Variants in TPR observed in about 807,000 individuals in gnomAD.
TPR encodes the protein nucleoprotein TPR.
TPR carries 51 observed loss-of-function variants against 316.1 expected under a neutral mutation model. The observed-to-expected ratio is 0.16, with a 90% CI of 0.13 to 0.20. The LOEUF is 0.20. Ranked by LOEUF, TPR falls within the 10% of genes least tolerant of loss-of-function variation. TPR has a pLI of 1.00. For missense variants in TPR, 2,272 were observed against 2,754.8 expected (o/e 0.82, Z 3.92); for synonymous variants, 981 against 914.7 (o/e 1.07, Z -1.31).
At chr1:186,332,724 T>G (rs752063161) in intron 37 of TPR, among the ~76,000 whole-genome samples, 16 of 152,170 alleles carry the variant, frequency 1.1e-4, no homozygotes, top group Admixed American at 1.0e-3. Context: ...GTACACTGTA[T>G]GTAAATCAGT....
intron 43 of TPR, 109 bp from the exon 44 acceptor site, chr1:186,322,695 A>G: frequency 9.0e-7 from 1 of 1,106,888 alleles, no homozygotes; most frequent in Non-Finnish European, 1.3e-6. Flanking sequence ...AATAGTTAGC[A>G]GACAGGTAAT....
intron 39 of TPR, among the ~76,000 whole-genome samples, chr1:186,328,512 G>A (rs1221685771): frequency 6.6e-6 from 1 of 151,906 alleles, no homozygotes; most frequent in Admixed American, 6.6e-5. Context: ...AATGGCCAGG[G>A]CGGTTAGTGC....
chr1:186,339,604 T>C, intron 30 of TPR, 38 bp downstream of exon 30: 3 of 1,430,892 alleles, frequency 2.1e-6, no homozygotes, highest in South Asian at 1.6e-5. Context: ...ATAAACTTCT[T>C]TTATATTATA....
rs924908067 is a variant in TPR at position 186,326,212 on chromosome 1, A to T, written c.5913T>A (p.Asp1971Glu). The T allele has an allele frequency of 6.2e-7, 1 of 1,607,592 alleles. No individual in the cohort carries two copies. ...CTGTGTCATCTTCATCATCATCATC[A>T]TCTTCCTCATCCTCTTCATAATCCT... Reference protein sequence around the residue: ...EHEDYEEDEEDDDDDEDDTGM... With the variant: ...EHEDYEEDEEEDDDDEDDTGM... Residue 1971 changes from aspartate (D) to glutamate (E), a missense_variant, in exon 41 of 51, where the codon GAT becomes GAA. Physicochemically the swap from Asp to Glu is conservative, Grantham distance 45 (BLOSUM62 2). Around this residue, in one of 10 missense-constraint regions of TPR, gnomAD observed 435 missense variants for 461.1 expected, o/e 0.94. Transcript: ENST00000367478.
intron 37 of TPR, 53 bp from the exon 38 acceptor site, chr1:186,332,396 T>C (rs1371333345): frequency 3.7e-5 from 59 of 1,586,628 alleles, no homozygotes; most frequent in Non-Finnish European, 4.6e-5. Context: ...TCAATTTAGA[T>C]AAAGATAGTT....
At chr1:186,360,236 AG>A in intron 11 of TPR, 36 bp downstream of exon 11, 4 of 1,589,924 alleles carry the variant, frequency 2.5e-6, no homozygotes, top group Admixed American at 3.6e-5. Flanking sequence ...CATTTGCTGA[AG>A]AAAAAGAATT....
At chr1:186,353,874 C>A in intron 17 of TPR, 24 bp from the exon 18 acceptor site, 1 of 1,604,260 alleles carries the variant, frequency 6.2e-7, no homozygotes. Flanking sequence ...AGTAATTCTA[C>A]AAGTAACTGA....
chr1:186,322,458 G>A (rs1657800149), intron 44 of TPR, 46 bp from the exon 45 acceptor site: 2 of 1,611,342 alleles, frequency 1.2e-6, no homozygotes, highest in Non-Finnish European at 1.7e-6. Flanking sequence ...CCACACATAT[G>A]GACTATATAA....
intron 19 of TPR, 148 bp from the exon 20 acceptor site, chr1:186,351,618 G>T: frequency 1.2e-6 from 1 of 844,016 alleles, no homozygotes; most frequent in Non-Finnish European, 1.7e-6. Flanking sequence ...AAGTATTCTG[G>T]TATTTTTTAT....
chr1:186,317,724 G>C, intron 48 of TPR, 124 bp from the exon 49 acceptor site: 1 of 789,830 alleles, frequency 1.3e-6, no homozygotes, highest in Non-Finnish European at 2.0e-6. Context: ...AAAAATTATA[G>C]ACTGATTTGG....
At chr1:186,315,346 A>G (rs1657578332) in intron 49 of TPR, among the ~76,000 whole-genome samples, 1 of 152,162 alleles carries the variant, frequency 6.6e-6, no homozygotes, top group Non-Finnish European at 1.5e-5. Flanking sequence ...CCAGGTGCTG[A>G]GAAATACAAC....
chr1:186,327,032 TA>T lies in TPR; in HGVS notation c.5889+427del, dbSNP rs1436190206. On this transcript the variant is annotated intron_variant, in intron 40 of 50. Coordinates refer to ENST00000367478, the MANE Select transcript of TPR (RefSeq NM_003292.3). Reference sequence around the variant, plus strand: ...ATATATAATATATATATTATATATATAAATATATATAAATATATAACATATA... The same window carrying T: ...ATATATAATATATATATTATATATATAATATATATAAATATATAACATATA... Among the ~76,000 whole-genome samples the T allele has an allele frequency of 2.5e-4, 12 of 47,582 alleles. No homozygotes were observed. The Admixed American group carries it at 3.7e-3, about 15-fold the overall frequency. The allele number at this position is 47,582 out of a possible 152,430, so 31.2% of individuals were successfully genotyped here.
chr1:186,355,662 A>T lies in TPR; in HGVS notation c.1995T>A (p.Ala665=), dbSNP rs1284404265. 1 of 1,614,160 alleles carries T rather than the reference A, an allele frequency of 6.2e-7. No individual in the cohort carries two copies. Among genetic ancestry groups the T allele is most frequent in the Non-Finnish European group, 8.5e-7 (1 of 1,180,012 alleles). The change falls in exon 16 of 51, where the codon GCT becomes GCA. Residue 665 remains alanine, a synonymous_variant. Coordinates refer to ENST00000367478, the MANE Select transcript of TPR (RefSeq NM_003292.3). Reference sequence around the variant, plus strand: ...GTTTAAGGGCAGCCTTAGCCTCTATAGCCTCTGTTGATTCAATAACAGGTA... The same window carrying T: ...GTTTAAGGGCAGCCTTAGCCTCTATTGCCTCTGTTGATTCAATAACAGGTA... The part of the protein sequence containing the change: ...APVPVIESTE[A]IEAKAALKQL...
rs774541318 is a variant in TPR, at chr1:186,327,496, T to C, written c.5853A>G (p.Glu1951=). ...CATCATTTTCATCATCATCCTCTTC[T>C]TCATCATCACTGTCAATTACAATGA... ...DDVIVIDSDD[E]EEDDDENDGE... Residue 1951 remains glutamate, a synonymous_variant, in exon 40 of 51, where the codon GAA becomes GAG. Transcript: ENST00000367478. 5 of 1,610,704 alleles carry C rather than the reference T, an allele frequency of 3.1e-6. No individual in the cohort carries two copies. The highest frequency in any genetic ancestry group is 1.7e-5 in the Admixed American group (1 of 59,272).
In TPR at chr1:186,355,534, T is replaced by C. The variant is rs767953353; in HGVS notation, c.2047A>G (p.Lys683Glu). 1.9e-6 allele frequency: 3 copies of C among 1,612,122 alleles called. No homozygotes were observed. The Admixed American group carries it at 5.0e-5, about 27-fold the overall frequency. ...KQLQEIFENY[K>E]KEKAENEKIQ... is the part of the protein sequence containing the mutation. ...TTTTCATTTTCTGCTTTTTCTTTTT[T>C]GTAGTTCTCAAAAATTTCCTGCAAC... Residue 683 changes from lysine to glutamate, a missense_variant, in exon 17 of 51, where the codon AAA becomes GAA. By Grantham distance (56) the Lys-to-Glu change is moderately conservative. Transcript: ENST00000367478.
In TPR at chr1:186,363,219, C is replaced by T. The variant is rs529667464; in HGVS notation, c.531+123G>A. 9.4e-5 allele frequency: 96 copies of T among 1,021,434 alleles called. No homozygotes were observed. In the South Asian group the frequency reaches 1.4e-3, roughly 15 times the overall value. The allele number at this position is 1,021,434 out of a possible 1,614,324, so 63.3% of individuals were successfully genotyped here. A position where few individuals can be genotyped will look rare whatever the true frequency, so the allele number is the denominator to read the frequency against. ...TAGAATTGTCCTAATGCTTAATTTT[C>T]TGACATTAAAAACAAAACAAAATGC... On this transcript the variant is annotated intron_variant, in intron 5 of 50. Transcript: ENST00000367478.
At chr1:186,371,461 A>G (rs1659524836) in intron 2 of TPR, among the ~76,000 whole-genome samples, 1 of 152,196 alleles carries the variant, frequency 6.6e-6, no homozygotes, top group Admixed American at 6.5e-5. Flanking sequence ...GCAAATCACA[A>G]TAATGAATAT....
chr1:186,331,438 C>A, intron 39 of TPR, 60 bp downstream of exon 39: 2 of 1,181,496 alleles, frequency 1.7e-6, no homozygotes, highest in South Asian at 2.9e-5. Context: ...TTCAATTTGT[C>A]AAAGCTAATT....
At chr1:186,341,469 C>A in intron 27 of TPR, 80 bp from the exon 28 acceptor site, 1 of 1,388,070 alleles carries the variant, frequency 7.2e-7, no homozygotes. Context: ...TCAAATCCTC[C>A]CTATGACAAA....
Sources: allele counts gnomAD v4.1 joint callset (sites outside exome capture counted in the v4.1 genomes callset), GRCh38; gene constraint gnomAD v4.1.1; regional missense constraint gnomAD v4.1.1; transcripts MANE v1.5; gene names NCBI Gene and HGNC (gene_info 2026-07-23, HGNC 2026-07-21).